Variants in UBAP2 observed in about 807,000 individuals in gnomAD.
UBAP2 encodes ubiquitin associated protein 2.
UBAP2 carries 75 observed loss-of-function variants against 139.6 expected under a neutral mutation model. The ratio of observed to expected loss-of-function variants is 0.54; its 90% CI spans 0.45 to 0.65. The LOEUF (loss-of-function observed/expected upper bound fraction) is 0.65. Among genes scored for constraint, UBAP2 ranks in the 30% least tolerant of loss-of-function variants. The pLI, the probability that UBAP2 is intolerant of heterozygous loss-of-function variation, is 0.00. For synonymous variants in UBAP2, 526 were observed against 526.2 expected (o/e 1.00, Z 0.01); for missense variants, 1,368 against 1,369.6 (o/e 1.00, Z 0.02).
At chr9:34,041,334 GC>G (rs1237690075) in intron 1 of UBAP2, among the ~76,000 whole-genome samples, 2 of 151,208 alleles carry the variant, frequency 1.3e-5, no homozygotes, top group Non-Finnish European at 2.9e-5. Context: ...GCATGGTGGT[GC>G]CTGCCTGTAA....
At chr9:33,941,580 A>T in intron 16 of UBAP2, 69 bp downstream of exon 16, 1 of 1,315,812 alleles carries the variant, frequency 7.6e-7, no homozygotes, top group Non-Finnish European at 1.1e-6. Flanking sequence ...CAAGAAGCAT[A>T]ATTTAACCAA....
intron 5 of UBAP2, among the ~76,000 whole-genome samples, chr9:33,988,751 T>C (rs1009289998): frequency 1.3e-5 from 2 of 152,260 alleles, no homozygotes; most frequent in Non-Finnish European, 2.9e-5. Flanking sequence ...CACTCATTTC[T>C]AGTGTTAACT....
At chr9:33,934,863 C>T (rs1419314866) in intron 17 of UBAP2, among the ~76,000 whole-genome samples, 1 of 152,198 alleles carries the variant, frequency 6.6e-6, no homozygotes, top group Non-Finnish European at 1.5e-5. Flanking sequence ...GAACGACCAA[C>T]GAATCTCCAA....
At chr9:33,981,112 ATATATATATATATATATATATATAT>A in intron 6 of UBAP2, among the ~76,000 whole-genome samples, 1 of 2,876 alleles carries the variant, frequency 3.5e-4, no homozygotes, top group Non-Finnish European at 7.5e-4. Context: ...GGATATATAT[ATATATATATATATATATATATATAT>A]TCTGGATATA....
At chr9:33,962,119 C>T (rs1827092557) in intron 9 of UBAP2, among the ~76,000 whole-genome samples, 1 of 152,108 alleles carries the variant, frequency 6.6e-6, no homozygotes. Context: ...TAAACATACA[C>T]ACACAGGGAT....
At chr9:33,933,361 G>T in intron 18 of UBAP2, 129 bp downstream of exon 18, 4 of 1,115,024 alleles carry the variant, frequency 3.6e-6, no homozygotes, top group Middle Eastern at 3.0e-4. Flanking sequence ...AGCTACAGTC[G>T]TAATGCAAAA....
At chr9:33,972,350 A>G (rs1349466301) in intron 7 of UBAP2, among the ~76,000 whole-genome samples, 19 of 152,210 alleles carry the variant, frequency 1.2e-4, no homozygotes, top group Admixed American at 1.2e-3. Flanking sequence ...AAAAATCCAC[A>G]AAACAATTTA....
intron 1 of UBAP2, among the ~76,000 whole-genome samples, chr9:34,028,017 C>T (rs1825559891): frequency 6.6e-6 from 1 of 151,478 alleles, no homozygotes; most frequent in Admixed American, 6.6e-5. Flanking sequence ...AGCTCAACTG[C>T]TTGTACCCTG....
intron 1 of UBAP2, among the ~76,000 whole-genome samples, chr9:34,045,088 CT>C (rs1240185426): frequency 1.3e-5 from 2 of 151,552 alleles, no homozygotes; most frequent in African/African-American, 4.8e-5. Context: ...TGGCTCACCC[CT>C]GTAATCCCAG....
intron 19 of UBAP2, 119 bp downstream of exon 19, chr9:33,932,443 C>T: frequency 8.5e-7 from 1 of 1,176,872 alleles, no homozygotes; most frequent in Non-Finnish European, 1.2e-6. Context: ...CAAGACATTT[C>T]AGCCAAGCAA....
At chr9:34,018,896 AAATT>A (rs1013623261) in intron 1 of UBAP2, among the ~76,000 whole-genome samples, 15 of 152,034 alleles carry the variant, frequency 9.9e-5, no homozygotes, top group South Asian at 2.1e-4. Flanking sequence ...AATAAAAAAT[AAATT>A]AATTAATTAA....
chr9:33,968,980 T>G (rs1406026807), intron 8 of UBAP2, among the ~76,000 whole-genome samples: 1 of 152,234 alleles, frequency 6.6e-6, no homozygotes, highest in African/African-American at 2.4e-5. Flanking sequence ...TTTTCAAGGT[T>G]CATCCATGTT....
chr9:33,950,375 A>T (rs1237145995), intron 12 of UBAP2, among the ~76,000 whole-genome samples: 2 of 152,102 alleles, frequency 1.3e-5, no homozygotes, highest in East Asian at 3.8e-4. Context: ...CTGGCCCAAA[A>T]ATAACATTTC....
chr9:33,939,230 G>A (rs1002635279), intron 16 of UBAP2, among the ~76,000 whole-genome samples: 1 of 105,070 alleles, frequency 9.5e-6, no homozygotes, highest in South Asian at 3.2e-4. Flanking sequence ...GTCTTGCTCT[G>A]TCACCCAGGC....
chr9:33,938,379 C>T (rs1207457269), intron 16 of UBAP2, among the ~76,000 whole-genome samples: 1 of 152,120 alleles, frequency 6.6e-6, no homozygotes, highest in Non-Finnish European at 1.5e-5. Context: ...AATCCACCTG[C>T]CTCCACCTCT....
At chr9:33,970,635 T>C (rs1827846765) in intron 8 of UBAP2, among the ~76,000 whole-genome samples, 1 of 152,156 alleles carries the variant, frequency 6.6e-6, no homozygotes, top group African/African-American at 2.4e-5. Context: ...GGTCTTACTA[T>C]GTTAACCAGG....
intron 1 of UBAP2, among the ~76,000 whole-genome samples, 194 bp downstream of exon 1, chr9:34,048,631 A>AGGAGGGAGCCCGGGCCT (rs1827842457): frequency 6.6e-6 from 1 of 151,992 alleles, no homozygotes; most frequent in African/African-American, 2.4e-5. Flanking sequence ...GGGAAGAGGA[A>AGGAGGGAGCCCGGGCCT]GGAGGGAGCC....
chr9:34,047,477 T>C (rs1303910760), intron 1 of UBAP2, among the ~76,000 whole-genome samples: 1 of 148,208 alleles, frequency 6.7e-6, no homozygotes, highest in Non-Finnish European at 1.5e-5. Context: ...TTAGGTATCA[T>C]GTTCAACTTC....
At position 33,973,231 on chromosome 9, in the gene UBAP2, C is replaced by A. The variant is rs775114778; in HGVS notation, c.527G>T (p.Gly176Val). 14 of 1,613,800 alleles carry A rather than the reference C, an allele frequency of 8.7e-6. No homozygotes were observed. The East Asian group carries it at 3.1e-4, about 36-fold the overall frequency. The part of the protein sequence containing the change: ...RGKRARGRGF[G>V]RGRGRGAGRF... ...TCCTGCCCCTCTCCCTCTGCCACGT[C>A]CAAATCCTTTAAAAAAACACACAAT... Residue 176 changes from glycine (G) to valine (V), a missense_variant, in exon 7 of 29, where the codon GGA becomes GTA. Physicochemically the swap from Gly to Val is moderately radical, Grantham distance 109 (BLOSUM62 -3). Coordinates refer to ENST00000379238, the MANE Select transcript of UBAP2 (RefSeq NM_001370062.2).
Sources: allele counts gnomAD v4.1 joint callset (sites outside exome capture counted in the v4.1 genomes callset), GRCh38; gene constraint gnomAD v4.1.1; transcripts MANE v1.5; gene names NCBI Gene and HGNC (gene_info 2026-07-23, HGNC 2026-07-21).